Variants in CADPS2 observed in about 807,000 individuals in gnomAD.
CADPS2 encodes calcium dependent secretion activator 2.
Under a neutral mutation model 172.5 loss-of-function variants are expected in CADPS2, and 93 were observed. The ratio of observed to expected loss-of-function variants is 0.54; its 90% CI spans 0.46 to 0.64. The LOEUF (loss-of-function observed/expected upper bound fraction) is 0.64, where lower values mean the gene tolerates loss of function less well. Ranked by LOEUF, CADPS2 falls within the 30% of genes least tolerant of loss-of-function variation. CADPS2 has a pLI of 0.00. For synonymous variants in CADPS2, 546 were observed against 555.2 expected, an observed-to-expected ratio of 0.98 and a Z score of 0.23; for missense variants, 1,420 against 1,565.9, an observed-to-expected ratio of 0.91 and a Z score of 1.57.
intron 8 of CADPS2, among the ~76,000 whole-genome samples, chr7:122,535,892 T>G (rs1474108025): frequency 1.3e-5 from 2 of 151,968 alleles, no homozygotes; most frequent in Non-Finnish European, 2.9e-5. Flanking sequence ...TTTGATAAAG[T>G]GAGGATAAAG....
chr7:122,331,662 A>C (rs1339197335), intron 28 of CADPS2, among the ~76,000 whole-genome samples: 1 of 152,146 alleles, frequency 6.6e-6, no homozygotes, highest in Non-Finnish European at 1.5e-5. Flanking sequence ...AAACAAAAAA[A>C]CAAACAAATA....
chr7:122,570,494 A>T (rs996217218), intron 7 of CADPS2, among the ~76,000 whole-genome samples: 1 of 147,940 alleles, frequency 6.8e-6, no homozygotes, highest in African/African-American at 2.6e-5. Context: ...AGGGATCTAG[A>T]ACTAGAAATA....
chr7:122,639,661 T>C (rs1261831562), intron 3 of CADPS2, among the ~76,000 whole-genome samples: 2 of 152,214 alleles, frequency 1.3e-5, no homozygotes, highest in East Asian at 3.9e-4. Context: ...CACCTCCCTC[T>C]AGCCAGTCCC....
intron 9 of CADPS2, among the ~76,000 whole-genome samples, chr7:122,512,642 T>A (rs1586757115): frequency 6.6e-6 from 1 of 152,136 alleles, no homozygotes. Flanking sequence ...CTTGGCTTAT[T>A]TGTACTAAAT....
chr7:122,471,303 G>A (rs1414232982), intron 14 of CADPS2, 72 bp downstream of exon 14: 14 of 1,147,308 alleles, frequency 1.2e-5, no homozygotes, highest in South Asian at 5.4e-5. Context: ...GGTGATAATC[G>A]CAAAGCACAT....
intron 4 of CADPS2, 63 bp from the exon 5 acceptor site, chr7:122,621,780 A>AAAAG: frequency 2.3e-6 from 2 of 864,754 alleles, no homozygotes; most frequent in East Asian, 5.3e-5. Flanking sequence ...ATCATACAAA[A>AAAAG]TTGTATGATA....
intron 11 of CADPS2, among the ~76,000 whole-genome samples, chr7:122,487,011 CT>C (rs535575706): frequency 0.014 from 1,670 of 123,232 alleles, 8 homozygotes; most frequent in East Asian, 0.029. Flanking sequence ...ATAAACATAA[CT>C]TTTTTTTTTT....
rs144338281 is a variant in CADPS2 at position 122,374,408 on chromosome 7, C to CAAATA, written c.3387+4955_3387+4959dup. 2.3e-3 allele frequency among the ~76,000 whole-genome samples: 346 copies of CAAATA among 147,652 alleles called. 3 individuals carry two copies. Among genetic ancestry groups the CAAATA allele is most frequent in the East Asian group, 5.9e-3 (30 of 5,058 alleles). Reference sequence around the variant, plus strand: ...GGGAGTCCTAGCCAAAGTAAGTAGACAAATAAAATAAAATAAAATAAAATA... The same window carrying CAAATA: ...GGGAGTCCTAGCCAAAGTAAGTAGACAAATAAAATAAAATAAAATAAAATAAAATA... On this transcript the variant is annotated intron_variant, in intron 25 of 29. Coordinates refer to ENST00000449022, the MANE Select transcript of CADPS2 (RefSeq NM_017954.11).
chr7:122,568,098 T>C (rs927876677), intron 7 of CADPS2, among the ~76,000 whole-genome samples: 66 of 152,064 alleles, frequency 4.3e-4, no homozygotes, highest in African/African-American at 1.1e-3. Context: ...ATGCTAATAC[T>C]AGTCAAAAGA....
At chr7:122,622,875 T>A (rs2075741318) in intron 4 of CADPS2, among the ~76,000 whole-genome samples, 1 of 152,126 alleles carries the variant, frequency 6.6e-6, no homozygotes, top group Admixed American at 6.6e-5. Context: ...TCCAGCATGC[T>A]CTTGTCAACC....
At chr7:122,407,960 T>G (rs1563261739) in intron 19 of CADPS2, among the ~76,000 whole-genome samples, 1 of 152,288 alleles carries the variant, frequency 6.6e-6, no homozygotes, top group South Asian at 2.1e-4. Flanking sequence ...ATGATTAGTT[T>G]ACAACATTTA....
chr7:122,591,787 T>G (rs914290477), intron 6 of CADPS2, among the ~76,000 whole-genome samples: 12 of 152,122 alleles, frequency 7.9e-5, no homozygotes, highest in Non-Finnish European at 1.6e-4. Flanking sequence ...TAGCCACATG[T>G]AGAAAGCTGA....
At chr7:122,773,260 G>A (rs1349680567) in intron 1 of CADPS2, among the ~76,000 whole-genome samples, 1 of 151,948 alleles carries the variant, frequency 6.6e-6, no homozygotes, top group Non-Finnish European at 1.5e-5. Context: ...ATGGAAACTG[G>A]TAGAGCATTT....
intron 3 of CADPS2, among the ~76,000 whole-genome samples, chr7:122,659,931 G>C (rs1450700288): frequency 6.6e-6 from 1 of 152,020 alleles, no homozygotes; most frequent in Non-Finnish European, 1.5e-5. Flanking sequence ...ATGCAAAGAA[G>C]AAACAAGGAC....
chr7:122,430,953 C>T (rs1360502524), intron 17 of CADPS2, among the ~76,000 whole-genome samples: 1 of 152,136 alleles, frequency 6.6e-6, no homozygotes, highest in Non-Finnish European at 1.5e-5. Context: ...ATTACAAAAA[C>T]AATCAAAACA....
intron 7 of CADPS2, among the ~76,000 whole-genome samples, chr7:122,557,748 G>A (rs1021266204): frequency 4.6e-5 from 7 of 152,188 alleles, no homozygotes; most frequent in Non-Finnish European, 1.0e-4. Flanking sequence ...GGTGAACTAT[G>A]GCACACCGGC....
Position 122,687,310 on chromosome 7 carries a change from C to T in CADPS2, c.454-23741G>A, listed in dbSNP as rs190671432. 4.0e-3 allele frequency among the ~76,000 whole-genome samples: 603 copies of T among 152,296 alleles called. 2 individuals carry two copies. The highest frequency in any genetic ancestry group is 6.2e-3 in the Non-Finnish European group (424 of 68,024). ...ATTCAACCACCCTCCAGCTAGCACT[C>T]CCAATGCCTTTAGCTGGGATTTTTC... On this transcript the variant is annotated intron_variant, in intron 2 of 29. Coordinates refer to ENST00000449022, the MANE Select transcript of CADPS2 (RefSeq NM_017954.11).
intron 1 of CADPS2, among the ~76,000 whole-genome samples, chr7:122,873,747 C>T (rs998227717): frequency 6.6e-6 from 1 of 152,210 alleles, no homozygotes; most frequent in Non-Finnish European, 1.5e-5. Flanking sequence ...AATCATCACA[C>T]TGTGTTCCAC....
At chr7:122,367,317 T>C (rs1044088645) in intron 25 of CADPS2, among the ~76,000 whole-genome samples, 1 of 152,084 alleles carries the variant, frequency 6.6e-6, no homozygotes, top group Admixed American at 6.5e-5. Flanking sequence ...AGAATGTATA[T>C]ATACCCGTAT....
Sources: allele counts gnomAD v4.1 joint callset (sites outside exome capture counted in the v4.1 genomes callset), GRCh38; gene constraint gnomAD v4.1.1; transcripts MANE v1.5; gene names NCBI Gene and HGNC (gene_info 2026-07-23, HGNC 2026-07-21).